Variants in RELN observed in about 807,000 individuals in gnomAD.
RELN encodes reelin.
In RELN, 108 loss-of-function variants were observed where a neutral mutation model predicts 427.6. The ratio of observed to expected loss-of-function variants is 0.25; its 90% CI spans 0.22 to 0.30. RELN has a LOEUF of 0.30. Ranked by LOEUF, RELN falls within the 10% of genes least tolerant of loss-of-function variation. RELN has a pLI of 1.00. For missense variants in RELN, 3,715 were observed against 4,302.8 expected (o/e 0.86, Z 3.82); for synonymous variants, 1,524 against 1,513.4 (o/e 1.01, Z -0.16).
intron 64 of RELN, chr7:103,476,672 C>T (rs760488392): frequency 3.2e-6 from 1 of 316,528 alleles, no homozygotes; most frequent in Admixed American, 3.1e-5. Context: ...TGCTGTCTGC[C>T]TCTAAGACCA....
intron 45 of RELN, 49 bp downstream of exon 45, chr7:103,539,029 A>T: frequency 6.2e-7 from 1 of 1,609,748 alleles, no homozygotes; most frequent in Non-Finnish European, 8.5e-7. Flanking sequence ...GCAGCCACAG[A>T]AGCTCATGCC....
chr7:103,866,796 T>C (rs1455084247), intron 2 of RELN, among the ~76,000 whole-genome samples: 4 of 151,864 alleles, frequency 2.6e-5, no homozygotes, highest in Non-Finnish European at 4.4e-5. Context: ...TAGGTAGAAG[T>C]TCTAATATTT....
intron 1 of RELN, among the ~76,000 whole-genome samples, chr7:103,959,950 C>T (rs1327570287): frequency 1.3e-5 from 2 of 152,260 alleles, no homozygotes; most frequent in Admixed American, 1.3e-4. Flanking sequence ...AATCTGACAT[C>T]ACCATGGTCT....
chr7:103,946,069 T>A (rs188521564), intron 1 of RELN, among the ~76,000 whole-genome samples: 239 of 152,274 alleles, frequency 1.6e-3, no homozygotes, highest in African/African-American at 5.3e-3. Context: ...TCTAAATCTC[T>A]CAAAAGACCA....
chr7:103,721,363 G>A (rs912811024), intron 8 of RELN, among the ~76,000 whole-genome samples: 8 of 151,918 alleles, frequency 5.3e-5, no homozygotes, highest in African/African-American at 1.9e-4. Flanking sequence ...CAGTCCTCAG[G>A]CTTGTGGGGA....
chr7:103,604,960 G>T (rs1831781931), intron 22 of RELN, among the ~76,000 whole-genome samples: 1 of 151,492 alleles, frequency 6.6e-6, no homozygotes, highest in Admixed American at 6.6e-5. Context: ...CTCCCAAATA[G>T]CTGGGATTGC....
rs139445071 is a variant in RELN at position 103,640,606 on chromosome 7, T to A, written c.2006A>T (p.Tyr669Phe). Residue 669 changes from tyrosine (Y) to phenylalanine (F), a missense_variant, in exon 17 of 65, where the codon TAT becomes TTT. Physicochemically the swap from Tyr to Phe is conservative, Grantham distance 22. Coordinates refer to ENST00000428762, the MANE Select transcript of RELN (RefSeq NM_005045.4). The surrounding 1 kb of genome is among the most constrained non-coding windows in gnomAD (Gnocchi z 4.1). ...LGNMWAIDNV[Y>F]IGPSCLKFCS... Reference sequence around the variant, plus strand: ...GAATTTGAGACATGACGGGCCAATATAAACTGTGGGAGGGAAAAAGAGAAC... The same window carrying A: ...GAATTTGAGACATGACGGGCCAATAAAAACTGTGGGAGGGAAAAAGAGAAC... The A allele has an allele frequency of 6.8e-6, 11 of 1,613,608 alleles. No individual in the cohort carries two copies. In the African/African-American group the frequency reaches 1.2e-4, roughly 18 times the overall value.
At chr7:103,985,967 CA>C (rs546042175) in intron 1 of RELN, among the ~76,000 whole-genome samples, 19 of 151,662 alleles carry the variant, frequency 1.3e-4, no homozygotes, top group African/African-American at 4.4e-4. Context: ...TTCTACCACA[CA>C]AAACAAAACA....
At chr7:103,643,079 T>C (rs1180465700) in intron 16 of RELN, among the ~76,000 whole-genome samples, 2 of 152,142 alleles carry the variant, frequency 1.3e-5, no homozygotes, top group African/African-American at 4.8e-5. Context: ...AATTATCTTG[T>C]CTAAAGTTTT....
At chr7:103,914,647 C>T (rs1795444668) in intron 2 of RELN, among the ~76,000 whole-genome samples, 1 of 151,958 alleles carries the variant, frequency 6.6e-6, no homozygotes, top group Non-Finnish European at 1.5e-5. Context: ...AAGAAGGTAA[C>T]CTTATCATCA....
intron 3 of RELN, among the ~76,000 whole-genome samples, chr7:103,779,279 G>A (rs1249485277): frequency 6.6e-6 from 1 of 152,152 alleles, no homozygotes; most frequent in African/African-American, 2.4e-5. Flanking sequence ...TAAAGAAAGG[G>A]CTCAGTAATT....
chr7:103,940,388 T>C (rs778828629), intron 1 of RELN, among the ~76,000 whole-genome samples: 1 of 152,248 alleles, frequency 6.6e-6, no homozygotes, highest in Non-Finnish European at 1.5e-5. Flanking sequence ...ACAACAGTTA[T>C]GTGTTCAAAC....
At chr7:103,729,805 G>A (rs919555894) in intron 6 of RELN, among the ~76,000 whole-genome samples, 1 of 152,078 alleles carries the variant, frequency 6.6e-6, no homozygotes, top group Non-Finnish European at 1.5e-5. Flanking sequence ...AAAGAACTTA[G>A]AATAGTGCCT....
chr7:103,476,459 C>G (rs1487982831), intron 64 of RELN, among the ~76,000 whole-genome samples: 1 of 151,768 alleles, frequency 6.6e-6, no homozygotes, highest in African/African-American at 2.4e-5. Context: ...CAGCCTGGGG[C>G]GACACGGTGA....
intron 8 of RELN, among the ~76,000 whole-genome samples, chr7:103,704,212 T>C (rs1834152134): frequency 6.6e-6 from 1 of 152,230 alleles, no homozygotes; most frequent in Non-Finnish European, 1.5e-5. Context: ...TATCACGTTG[T>C]TTACTCAACC....
At chr7:103,925,361 T>G (rs1795710011) in intron 1 of RELN, among the ~76,000 whole-genome samples, 1 of 152,304 alleles carries the variant, frequency 6.6e-6, no homozygotes, top group African/African-American at 2.4e-5. Flanking sequence ...TTTTAAAAAA[T>G]TCTACAAATA....
chr7:103,813,208 T>C lies in RELN; in HGVS notation c.473+20329A>G, dbSNP rs183003099. ...TGGCCAATTGTCTTTTATGATCCTC[T>C]GGCTAGTCTCTCTCCCACCTCCATT... On this transcript the variant is annotated intron_variant, in intron 3 of 64. Coordinates refer to ENST00000428762, the MANE Select transcript of RELN (RefSeq NM_005045.4). 4.4e-3 allele frequency among the ~76,000 whole-genome samples: 674 copies of C among 152,260 alleles called. 17 individuals carry two copies. Among genetic ancestry groups the C allele is most frequent in the East Asian group, 7.7e-4 (4 of 5,184 alleles).
intron 3 of RELN, among the ~76,000 whole-genome samples, chr7:103,822,235 A>G (rs1042814869): frequency 7.2e-5 from 11 of 151,992 alleles, no homozygotes; most frequent in African/African-American, 2.7e-4. Flanking sequence ...GTTAATATTA[A>G]CCTTCTAAAT....
chr7:103,783,844 T>C (rs1563011294), intron 3 of RELN, among the ~76,000 whole-genome samples: 3 of 152,190 alleles, frequency 2.0e-5, no homozygotes, highest in Non-Finnish European at 4.4e-5. Context: ...ATCCATGGTA[T>C]TGTAAGCATT....
Sources: gnomAD v4.1 joint callset for allele counts (sites outside exome capture counted in the v4.1 genomes callset) on GRCh38, gnomAD v4.1.1 for gene constraint, Gnocchi (gnomAD v3.1) non-coding constraint, MANE v1.5 for transcripts, NCBI Gene and HGNC (gene_info 2026-07-23, HGNC 2026-07-21) for gene names.